DIP2C: variants seen among roughly 807,000 people sequenced by gnomAD.
DIP2C encodes the protein disco-interacting protein 2 homolog C.
In DIP2C, 33 loss-of-function variants were observed where a neutral mutation model predicts 192.4. That is an observed-to-expected ratio of 0.17 (90% confidence interval 0.13 to 0.23). The LOEUF (loss-of-function observed/expected upper bound fraction) is 0.23, where lower values mean the gene tolerates loss of function less well. Among genes scored for constraint, DIP2C ranks in the 10% least tolerant of loss-of-function variants. The pLI, the probability that DIP2C is intolerant of heterozygous loss-of-function variation, is 1.00. For synonymous variants in DIP2C, 979 were observed against 864.1 expected (o/e 1.13, Z -2.33); for missense variants, 1,537 against 2,110.1 (o/e 0.73, Z 5.32).
At chr10:493,632 G>A (rs374142020) in intron 1 of DIP2C, among the ~76,000 whole-genome samples, 29 of 152,266 alleles carry the variant, frequency 1.9e-4, no homozygotes, top group East Asian at 7.7e-4. Context: ...TCCACCCTCC[G>A]CTTCCCGACA....
intron 1 of DIP2C, among the ~76,000 whole-genome samples, chr10:608,114 CCACACACACAGCCCCAACA>C (rs1852639922): frequency 2.3e-5 from 3 of 129,002 alleles, no homozygotes; most frequent in Non-Finnish European, 4.7e-5. Context: ...AACACACACA[CCACACACACAGCCCCAACA>C]CACACACAGC....
chr10:548,911 C>CAAAAAAAAAAAAAAAAAAAAAA lies in DIP2C; in HGVS notation c.86-62403_86-62382dup, dbSNP rs61437915. ...CATTGCAGGAAAAAATAGCAGCTCA[C>CAAAAAAAAAAAAAAAAAAAAAA]AAAAAAAAAAAAAAAAAAAAAAAAA... On this transcript the variant is annotated intron_variant, in intron 1 of 36. Transcript: ENST00000280886. 2.3e-4 allele frequency among the ~76,000 whole-genome samples: 6 copies of CAAAAAAAAAAAAAAAAAAAAAA among 26,458 alleles called. 1 individual carries two copies. The highest frequency in any genetic ancestry group is 6.7e-4 in the African/African-American group (5 of 7,424). The allele number at this position is 26,458 out of a possible 152,430, so 17.4% of individuals were successfully genotyped here. A position where few individuals can be genotyped will look rare whatever the true frequency, so the allele number is the denominator to read the frequency against.
At chr10:537,695 T>G (rs1401902534) in intron 1 of DIP2C, among the ~76,000 whole-genome samples, 2 of 152,266 alleles carry the variant, frequency 1.3e-5, no homozygotes, top group Admixed American at 1.3e-4. Context: ...AGACACAGGC[T>G]GGTAAGTCAA....
intron 2 of DIP2C, among the ~76,000 whole-genome samples, chr10:478,493 C>A (rs1190811563): frequency 6.7e-6 from 1 of 149,554 alleles, no homozygotes; most frequent in Non-Finnish European, 1.5e-5. Context: ...TGCAGATGCA[C>A]CCAAATTCCC....
At chr10:650,060 G>A (rs1389504596) in intron 1 of DIP2C, 2 of 706,702 alleles carry the variant, frequency 2.8e-6, no homozygotes, top group Non-Finnish European at 5.2e-6. Context: ...TCTGGGAGCT[G>A]CCAGCAACCC....
At chr10:428,146 ATT>A (rs1427882585) in intron 4 of DIP2C, among the ~76,000 whole-genome samples, 4 of 152,190 alleles carry the variant, frequency 2.6e-5, no homozygotes, top group Non-Finnish European at 4.4e-5. Flanking sequence ...AAGCGTGGAC[ATT>A]TTATGATTTT....
intron 1 of DIP2C, among the ~76,000 whole-genome samples, chr10:565,206 G>A (rs544993651): frequency 6.6e-6 from 1 of 152,166 alleles, no homozygotes; most frequent in East Asian, 1.9e-4. Flanking sequence ...AATAGACTAA[G>A]CGTGAATGTC....
At chr10:569,933 A>C (rs567444204) in intron 1 of DIP2C, among the ~76,000 whole-genome samples, 1 of 152,314 alleles carries the variant, frequency 6.6e-6, no homozygotes, top group South Asian at 2.1e-4. Context: ...CCAGAAATCT[A>C]CAGTGCTTCT....
chr10:489,503 G>A (rs1214240775), intron 1 of DIP2C, among the ~76,000 whole-genome samples: 1 of 152,260 alleles, frequency 6.6e-6, no homozygotes. Flanking sequence ...TTCTTGGGTT[G>A]GGCCCAAGGC....
At chr10:559,679 C>CT (rs2074779036) in intron 1 of DIP2C, among the ~76,000 whole-genome samples, 1 of 152,214 alleles carries the variant, frequency 6.6e-6, no homozygotes, top group African/African-American at 2.4e-5. Flanking sequence ...TACAGACCAG[C>CT]TACCCACATG....
intron 2 of DIP2C, among the ~76,000 whole-genome samples, chr10:478,940 T>G (rs1275315933): frequency 6.6e-6 from 1 of 152,086 alleles, no homozygotes; most frequent in African/African-American, 2.4e-5. Context: ...GCCAAGAGGC[T>G]CTCCTGCCCT....
At chr10:487,254 A>AT (rs1407640363) in intron 1 of DIP2C, among the ~76,000 whole-genome samples, 4 of 152,196 alleles carry the variant, frequency 2.6e-5, no homozygotes, top group African/African-American at 9.7e-5. Context: ...TTCGCTGTTC[A>AT]TTTTTTTGGA....
chr10:678,412 T>C (rs1038078611), intron 1 of DIP2C, among the ~76,000 whole-genome samples: 1 of 151,882 alleles, frequency 6.6e-6, no homozygotes, highest in Non-Finnish European at 1.5e-5. Context: ...CTGACCCATC[T>C]GAGCACAGAG....
chr10:581,644 A>AC (rs1172351554), intron 1 of DIP2C, among the ~76,000 whole-genome samples: 1 of 152,208 alleles, frequency 6.6e-6, no homozygotes, highest in Non-Finnish European at 1.5e-5. Context: ...GATGGAACCC[A>AC]CCACCACGAG....
At chr10:432,027 C>T (rs1014541857) in intron 4 of DIP2C, among the ~76,000 whole-genome samples, 1 of 151,860 alleles carries the variant, frequency 6.6e-6, no homozygotes, top group Non-Finnish European at 1.5e-5. Flanking sequence ...AATTGGTTTT[C>T]AAATGTTAAA....
chr10:561,403 C>G (rs371710775), intron 1 of DIP2C, among the ~76,000 whole-genome samples: 3 of 152,330 alleles, frequency 2.0e-5, no homozygotes, highest in East Asian at 3.9e-4. Flanking sequence ...AGCAGCAGCT[C>G]TCCCATGTCC....
intron 1 of DIP2C, among the ~76,000 whole-genome samples, chr10:579,664 AGTGT>A (rs956639707): frequency 4.4e-4 from 67 of 152,100 alleles, no homozygotes; most frequent in African/African-American, 6.0e-4. Flanking sequence ...CCAGATCCAT[AGTGT>A]ATGTACGTAA....
chr10:503,534 T>G (rs114500964), intron 1 of DIP2C, among the ~76,000 whole-genome samples: 1 of 152,200 alleles, frequency 6.6e-6, no homozygotes, highest in African/African-American at 2.4e-5. Context: ...CGGAAAACCA[T>G]GGAAGTGTTC....
At chr10:600,085 C>T (rs929482077) in intron 1 of DIP2C, among the ~76,000 whole-genome samples, 31 of 152,176 alleles carry the variant, frequency 2.0e-4, no homozygotes, top group Non-Finnish European at 3.7e-4. Context: ...GAAAGAGGAA[C>T]CTGTATCATA....
Sources: allele counts gnomAD v4.1 joint callset (sites outside exome capture counted in the v4.1 genomes callset), GRCh38; gene constraint gnomAD v4.1.1; transcripts MANE v1.5; gene names NCBI Gene and HGNC (gene_info 2026-07-23, HGNC 2026-07-21).